The following KIF26B variants were observed in gnomAD, a reference collection of about 807,000 sequenced individuals.
The protein encoded by KIF26B is kinesin family member 26B, also known as kinesin-like protein KIF26B.
Under a neutral mutation model 151.2 loss-of-function variants are expected in KIF26B, and 63 were observed. The ratio of observed to expected loss-of-function variants is 0.42; its 90% confidence interval spans 0.34 to 0.51. The LOEUF (loss-of-function observed/expected upper bound fraction) is 0.51, where lower values mean the gene tolerates loss of function less well. KIF26B is among the 20% of genes least tolerant of loss of function. KIF26B has a pLI of 0.07. For missense variants in KIF26B, 2,813 were observed against 2,913.6 expected (o/e 0.97, Z 0.79); for synonymous variants, 1,357 against 1,262.1 (o/e 1.08, Z -1.59).
At chr1:245,443,865 G>A (rs1318820951) in intron 4 of KIF26B, among the ~76,000 whole-genome samples, 1 of 59,400 alleles carries the variant, frequency 1.7e-5, no homozygotes, top group African/African-American at 6.0e-5. Flanking sequence ...TTCACCCTGC[G>A]GTCATCTCCC....
chr1:245,179,655 A>G (rs993871540), intron 2 of KIF26B, among the ~76,000 whole-genome samples: 1 of 152,172 alleles, frequency 6.6e-6, no homozygotes, highest in Non-Finnish European at 1.5e-5. Context: ...GGAGACCCCA[A>G]CATTGGTCGT....
rs567828391 is a variant in KIF26B at position 245,197,449 on chromosome 1, T to C, written c.465+40766T>C. Among the ~76,000 whole-genome samples, 46 of 152,238 alleles carry C rather than the reference T, an allele frequency of 3.0e-4. 1 individual carries two copies. The highest frequency in any genetic ancestry group is 2.8e-3 in the Admixed American group (43 of 15,290). On this transcript the variant is annotated intron_variant, in intron 2 of 14. Coordinates refer to ENST00000407071, the MANE Select transcript of KIF26B (RefSeq NM_018012.4). Reference sequence around the variant, plus strand: ...CTTTGAAGAGGACAGTGGAGACTGATCTTTTATTTTAATTCAATATAATTA... The same window carrying C: ...CTTTGAAGAGGACAGTGGAGACTGACCTTTTATTTTAATTCAATATAATTA...
intron 5 of KIF26B, among the ~76,000 whole-genome samples, chr1:245,584,913 C>T (rs1268350694): frequency 6.6e-6 from 1 of 152,052 alleles, no homozygotes; most frequent in Admixed American, 6.5e-5. Context: ...ATTTTGACAC[C>T]ATAGAAACAT....
Position 245,702,768 on chromosome 1 carries a change from T to A in KIF26B, c.*162T>A. 1 of 754,510 alleles carries A rather than the reference T, an allele frequency of 1.3e-6. No homozygotes were observed. The highest frequency in any genetic ancestry group is 2.0e-6 in the Non-Finnish European group (1 of 495,848). The allele number at this position is 754,510 out of a possible 1,614,324, so 46.7% of individuals were successfully genotyped here. ...TGAGCGGAAGGCGAGTTTTCTTTTG[T>A]TTTCTGTAGGAAAGGTGCAAACGTC... On this transcript the variant is annotated 3_prime_UTR_variant, in exon 15 of 15. Transcript: ENST00000407071. This position sits in a 1 kb window ranked among gnomAD's most constrained non-coding sequence, Gnocchi z 4.1.
At chr1:245,661,740 TTATA>T (rs2044142985) in intron 10 of KIF26B, among the ~76,000 whole-genome samples, 1 of 149,350 alleles carries the variant, frequency 6.7e-6, no homozygotes, top group East Asian at 2.0e-4. Flanking sequence ...ACACCCAGTG[TTATA>T]TATACACACA....
At chr1:245,176,735 C>A (rs73125053) in intron 2 of KIF26B, among the ~76,000 whole-genome samples, 14,294 of 152,210 alleles carry the variant, frequency 0.094, 861 homozygotes, top group African/African-American at 0.17. Context: ...ACAGGATGGG[C>A]TAGCAGGCGA....
chr1:245,437,352 T>C (rs1449435988), intron 4 of KIF26B, among the ~76,000 whole-genome samples: 1 of 152,218 alleles, frequency 6.6e-6, no homozygotes, highest in Non-Finnish European at 1.5e-5. Flanking sequence ...GTCTTTTGGA[T>C]AAATCAGAGA....
intron 9 of KIF26B, among the ~76,000 whole-genome samples, chr1:245,625,593 A>G (rs1240798711): frequency 6.6e-5 from 10 of 152,228 alleles, no homozygotes; most frequent in Admixed American, 6.5e-4. Flanking sequence ...TAGGAGATTC[A>G]TCACCTCAGT....
At chr1:245,470,048 C>T (rs549457988) in intron 4 of KIF26B, among the ~76,000 whole-genome samples, 4 of 151,836 alleles carry the variant, frequency 2.6e-5, no homozygotes, top group South Asian at 2.1e-4. Context: ...TTGAAAGAAC[C>T]GATAGGATTC....
intron 5 of KIF26B, among the ~76,000 whole-genome samples, chr1:245,592,364 G>C (rs2043297238): frequency 1.3e-5 from 2 of 152,206 alleles, no homozygotes; most frequent in Admixed American, 1.3e-4. Context: ...GAGCAGTCCA[G>C]GGCCAGGGCC....
intron 4 of KIF26B, among the ~76,000 whole-genome samples, chr1:245,457,813 G>T (rs916624016): frequency 6.6e-6 from 1 of 152,128 alleles, no homozygotes; most frequent in Non-Finnish European, 1.5e-5. Context: ...TCTCATGTAT[G>T]GTCATTCCAG....
At position 245,441,570 on chromosome 1, in the gene KIF26B, G is replaced by A. The variant is rs148072647; in HGVS notation, c.1166+21825G>A. ...GGGAGGGGAGGGTTCCAGTTCACTC[G>A]GCTAACGTGTGTGAGTCCGACAGTA... On this transcript the variant is annotated intron_variant, in intron 4 of 14. Transcript: ENST00000407071. 6.4e-4 allele frequency among the ~76,000 whole-genome samples: 97 copies of A among 152,106 alleles called. 1 individual carries two copies. The South Asian group carries it at 0.017, about 26-fold the overall frequency.
chr1:245,454,919 T>C (rs1337572868), intron 4 of KIF26B, among the ~76,000 whole-genome samples: 1 of 152,218 alleles, frequency 6.6e-6, no homozygotes, highest in Non-Finnish European at 1.5e-5. Context: ...AGCTGGAGTC[T>C]CAGTTTTGGA....
At chr1:245,390,650 A>T (rs998160018) in intron 3 of KIF26B, among the ~76,000 whole-genome samples, 2 of 152,122 alleles carry the variant, frequency 1.3e-5, no homozygotes, top group African/African-American at 4.8e-5. Context: ...AGTAGAATAC[A>T]TTTTTACTTG....
At chr1:245,452,957 C>G (rs1659432587) in intron 4 of KIF26B, among the ~76,000 whole-genome samples, 1 of 152,018 alleles carries the variant, frequency 6.6e-6, no homozygotes, top group Non-Finnish European at 1.5e-5. Flanking sequence ...TTTATCTTTT[C>G]TTCTGTTGCT....
At chr1:245,547,318 C>T in intron 5 of KIF26B, among the ~76,000 whole-genome samples, 1 of 152,320 alleles carries the variant, frequency 6.6e-6, no homozygotes, top group Non-Finnish European at 1.5e-5. Flanking sequence ...GGCATGGTGG[C>T]TCACGTCTGT....
chr1:245,463,021 GT>G (rs1339259972), intron 4 of KIF26B, among the ~76,000 whole-genome samples: 1 of 152,164 alleles, frequency 6.6e-6, no homozygotes, highest in African/African-American at 2.4e-5. Flanking sequence ...ATAGCACACA[GT>G]ATGAGGTGGG....
chr1:245,216,085 AAAAT>A (rs1402385726), intron 2 of KIF26B: 3 of 152,006 alleles, frequency 2.0e-5, no homozygotes, highest in African/African-American at 4.8e-5. Context: ...AATTAATTAA[AAAAT>A]AAATAAGTAA....
chr1:245,179,685 A>T (rs1434599276), intron 2 of KIF26B, among the ~76,000 whole-genome samples: 1 of 152,148 alleles, frequency 6.6e-6, no homozygotes, highest in African/African-American at 2.4e-5. Context: ...ACCAACCAGG[A>T]GGGGAGATAA....
Sources: gnomAD v4.1 joint callset for allele counts (sites outside exome capture counted in the v4.1 genomes callset) on GRCh38, gnomAD v4.1.1 for gene constraint, Gnocchi (gnomAD v3.1) non-coding constraint, MANE v1.5 for transcripts, NCBI Gene and HGNC (gene_info 2026-07-23, HGNC 2026-07-21) for gene names.